The following PDE3B variants were observed in gnomAD, a reference collection of about 807,000 sequenced individuals.
The protein encoded by PDE3B is cGMP-inhibited 3',5'-cyclic phosphodiesterase 3B.
PDE3B carries 66 observed loss-of-function variants against 116.8 expected under a neutral mutation model. That is an observed-to-expected ratio of 0.56 (90% CI 0.46 to 0.69). PDE3B has a LOEUF of 0.69. PDE3B is among the 30% of genes least tolerant of loss of function. PDE3B has a pLI of 0.00. For synonymous variants in PDE3B, 595 were observed against 533.6 expected, an observed-to-expected ratio of 1.12 and a Z score of -1.59; for missense variants, 1,384 against 1,368.1, an observed-to-expected ratio of 1.01 and a Z score of -0.18.
chr11:14,804,294 A>G (rs1214154070), intron 5 of PDE3B, among the ~76,000 whole-genome samples: 3 of 152,162 alleles, frequency 2.0e-5, no homozygotes, highest in Non-Finnish European at 4.4e-5. Context: ...GAGATAAAAT[A>G]TATAACTATT....
chr11:14,658,269 G>T lies in PDE3B; in HGVS notation c.978+13216G>T, dbSNP rs376464738. Among the ~76,000 whole-genome samples the T allele has an allele frequency of 4.5e-3, 679 of 152,214 alleles. 9 individuals are homozygous for T. Among genetic ancestry groups the T allele is most frequent in the African/African-American group, 0.016 (662 of 41,526 alleles). On this transcript the variant is annotated intron_variant, in intron 1 of 15. Coordinates refer to ENST00000282096, the MANE Select transcript of PDE3B (RefSeq NM_000922.4). ...ATAGAAGCCATAGGATTGAGAAAAA[G>T]GCATTGCCTCTCTCAACACGATAAT...
At chr11:14,691,733 A>G (rs1016767482) in intron 1 of PDE3B, among the ~76,000 whole-genome samples, 1 of 152,202 alleles carries the variant, frequency 6.6e-6, no homozygotes, top group Non-Finnish European at 1.5e-5. Context: ...ATATTGTCAG[A>G]TAGTAATGTG....
chr11:14,738,332 C>G (rs926558849), intron 1 of PDE3B, among the ~76,000 whole-genome samples: 6 of 152,174 alleles, frequency 3.9e-5, no homozygotes, highest in African/African-American at 1.4e-4. Context: ...GAGATGGTAT[C>G]TCATTGTGGT....
intron 14 of PDE3B, 149 bp from the exon 15 acceptor site, chr11:14,867,357 C>T (rs939789797): frequency 3.1e-6 from 2 of 647,150 alleles, no homozygotes; most frequent in Non-Finnish European, 5.1e-6. Flanking sequence ...TAAATTCTTA[C>T]AGTTGAAATG....
chr11:14,867,877 C>G (rs1848077128), intron 15 of PDE3B, 119 bp downstream of exon 15: 5 of 742,834 alleles, frequency 6.7e-6, no homozygotes, highest in African/African-American at 1.8e-5. Context: ...GCATGGTGCT[C>G]AAAGGAAATA....
In PDE3B at chr11:14,811,906, G is replaced by T. The variant is rs542773815; in HGVS notation, c.1523-6277G>T. ...GTATTTTATTCTCTTTGAAGCAATTGTGAATGGGAGTTCACTCATGATTTG... is the reference window on the plus strand; with the variant it reads ...GTATTTTATTCTCTTTGAAGCAATTTTGAATGGGAGTTCACTCATGATTTG... On this transcript the variant is annotated intron_variant, in intron 5 of 15. Coordinates refer to ENST00000282096, the MANE Select transcript of PDE3B (RefSeq NM_000922.4). Among the ~76,000 whole-genome samples, 8 of 152,272 alleles carry T rather than the reference G, an allele frequency of 5.3e-5. No homozygotes were observed. The South Asian group carries it at 1.4e-3, about 28-fold the overall frequency.
intron 1 of PDE3B, among the ~76,000 whole-genome samples, chr11:14,697,343 T>C (rs1377254519): frequency 1.3e-5 from 2 of 152,182 alleles, no homozygotes; most frequent in Non-Finnish European, 2.9e-5. Flanking sequence ...TACAGTGCTC[T>C]AGCACCATTA....
intron 2 of PDE3B, among the ~76,000 whole-genome samples, chr11:14,778,850 A>G (rs189854672): frequency 1.3e-4 from 20 of 152,350 alleles, no homozygotes; most frequent in Admixed American, 1.3e-3. Context: ...AAGGCTTCAG[A>G]TGATTGGTAA....
chr11:14,731,169 G>A (rs1364491008), intron 1 of PDE3B, among the ~76,000 whole-genome samples: 1 of 151,384 alleles, frequency 6.6e-6, no homozygotes, highest in African/African-American at 2.4e-5. Context: ...GAATGTTGGG[G>A]ATATTTTGTT....
intron 7 of PDE3B, among the ~76,000 whole-genome samples, chr11:14,820,974 GT>G (rs1382014301): frequency 6.6e-6 from 1 of 152,174 alleles, no homozygotes; most frequent in Non-Finnish European, 1.5e-5. Context: ...ACTCAATAAA[GT>G]TTTTAAAAAG....
At chr11:14,853,875 T>C (rs1847801567) in intron 12 of PDE3B, among the ~76,000 whole-genome samples, 1 of 152,204 alleles carries the variant, frequency 6.6e-6, no homozygotes, top group Non-Finnish European at 1.5e-5. Context: ...TAGTAAAATT[T>C]CTGGAATATT....
chr11:14,701,818 A>G (rs1565098182), intron 1 of PDE3B, among the ~76,000 whole-genome samples: 1 of 151,320 alleles, frequency 6.6e-6, no homozygotes. Context: ...ATCCAGTGTT[A>G]CTATTAATAA....
At chr11:14,695,462 A>G (rs1855178952) in intron 1 of PDE3B, among the ~76,000 whole-genome samples, 1 of 152,180 alleles carries the variant, frequency 6.6e-6, no homozygotes, top group African/African-American at 2.4e-5. Context: ...TGTTGGCTAT[A>G]TACAAGGAGT....
chr11:14,887,771 G>C, the PDE3B span: 1 of 227,652 alleles, frequency 4.4e-6, no homozygotes, highest in Middle Eastern at 2.2e-3. Flanking sequence ...CACCCACACT[G>C]ACTCATTATC....
rs577229557 is a variant in PDE3B at position 14,765,833 on chromosome 11, T to C, written c.979-6104T>C. ...TTTAATTTTATTTATTTTATATATA[T>C]ATTTATAAAATTCTTATATTTAAGT... On this transcript the variant is annotated intron_variant, in intron 1 of 15. Transcript: ENST00000282096. Among the ~76,000 whole-genome samples the C allele has an allele frequency of 6.7e-5, 10 of 149,836 alleles. No homozygotes were observed. In the South Asian group the frequency reaches 1.9e-3, roughly 28 times the overall value.
intron 14 of PDE3B, 59 bp downstream of exon 14, chr11:14,861,425 C>T: frequency 3.3e-6 from 5 of 1,494,944 alleles, no homozygotes; most frequent in Non-Finnish European, 4.6e-6. Flanking sequence ...AGACACTACT[C>T]TTTGGGTTTT....
At chr11:14,737,000 T>C (rs938326879) in intron 1 of PDE3B, among the ~76,000 whole-genome samples, 5 of 152,178 alleles carry the variant, frequency 3.3e-5, no homozygotes, top group African/African-American at 1.2e-4. Flanking sequence ...CTGTGCAACA[T>C]TGAGTAATTT....
intron 1 of PDE3B, among the ~76,000 whole-genome samples, chr11:14,672,496 C>T (rs1179592260): frequency 6.6e-6 from 1 of 151,938 alleles, no homozygotes; most frequent in African/African-American, 2.4e-5. Context: ...GAAATAAAAC[C>T]AAGAACTAGT....
chr11:14,847,530 C>A (rs1222693835), intron 12 of PDE3B, among the ~76,000 whole-genome samples: 3 of 151,484 alleles, frequency 2.0e-5, no homozygotes, highest in Admixed American at 6.6e-5. Context: ...AAAAACCCTT[C>A]AAAAAATCAA....
Sources: gnomAD v4.1 joint callset for allele counts (sites outside exome capture counted in the v4.1 genomes callset) on GRCh38, gnomAD v4.1.1 for gene constraint, MANE v1.5 for transcripts, NCBI Gene and HGNC (gene_info 2026-07-23, HGNC 2026-07-21) for gene names.